The following KLHDC4 variants were observed in gnomAD, a reference collection of about 807,000 sequenced individuals.
KLHDC4 encodes the protein kelch domain containing 4.
In KLHDC4, 90 loss-of-function variants were observed where a neutral mutation model predicts 62.4. That is an observed-to-expected ratio of 1.44 (90% CI 1.22 to 1.72). The LOEUF (loss-of-function observed/expected upper bound fraction) is 1.72. Ranked by LOEUF, KLHDC4 falls within the 40% of genes most tolerant of loss-of-function variation. The pLI, the probability that KLHDC4 is intolerant of heterozygous loss-of-function variation, is 0.00. For synonymous variants in KLHDC4, 386 were observed against 284.4 expected, an observed-to-expected ratio of 1.36 and a Z score of -3.59; for missense variants, 1,025 against 699.7, an observed-to-expected ratio of 1.47 and a Z score of -5.25.
At chr16:87,715,998 A>G (rs573139226) in intron 7 of KLHDC4, among the ~76,000 whole-genome samples, 2 of 152,236 alleles carry the variant, frequency 1.3e-5, no homozygotes, top group East Asian at 3.9e-4. Flanking sequence ...CTTTGGGCAC[A>G]TTCTAAGGTC....
chr16:87,708,207 A>C, intron 11 of KLHDC4, 132 bp from the exon 12 acceptor site: 1 of 631,318 alleles, frequency 1.6e-6, no homozygotes, highest in South Asian at 1.9e-5. Context: ...CACGGCACTC[A>C]TTAGCAAGCT....
At chr16:87,725,193 G>A (rs1385147238) in intron 7 of KLHDC4, among the ~76,000 whole-genome samples, 2 of 152,150 alleles carry the variant, frequency 1.3e-5, no homozygotes, top group African/African-American at 4.8e-5. Flanking sequence ...GGGCAGCGGG[G>A]CCGAGTGGGA....
At chr16:87,747,293 A>G (rs1480409896) in intron 5 of KLHDC4, among the ~76,000 whole-genome samples, 1 of 152,220 alleles carries the variant, frequency 6.6e-6, no homozygotes, top group East Asian at 1.9e-4. Flanking sequence ...TGTGAACAAG[A>G]GATACCAAAG....
chr16:87,709,300 A>G lies in KLHDC4; in HGVS notation c.1412T>C (p.Met471Thr). Reference protein sequence around the residue: ...SDLHCLDLHRMEAWKALVEMD... With the variant: ...SDLHCLDLHRTEAWKALVEMD... ...CTCCACCAAGGCCTTCCACGCCTCC[A>G]TCCTGTGCAGGTCCAGGCAGTGCAG... The change falls in exon 10 of 12, where the codon ATG (methionine) becomes ACG (threonine). Residue 471 changes from methionine to threonine, a missense_variant. By Grantham distance (81) the Met-to-Thr change is moderately conservative. Coordinates refer to ENST00000270583, the MANE Select transcript of KLHDC4 (RefSeq NM_017566.4). 6.2e-7 allele frequency: 1 copy of G among 1,613,036 alleles called. No homozygotes were observed. The highest frequency in any genetic ancestry group is 8.5e-7 in the Non-Finnish European group (1 of 1,179,916).
At chr16:87,738,429 G>A (rs947732657) in intron 5 of KLHDC4, among the ~76,000 whole-genome samples, 4 of 152,040 alleles carry the variant, frequency 2.6e-5, no homozygotes, top group East Asian at 3.9e-4. Context: ...CAAGTGCTCC[G>A]GTGCATACAA....
chr16:87,747,896 G>A (rs575835043), intron 5 of KLHDC4, among the ~76,000 whole-genome samples: 34 of 152,284 alleles, frequency 2.2e-4, no homozygotes, highest in African/African-American at 8.2e-4. Context: ...TGTGTGCGGC[G>A]GCCTCTATCC....
At chr16:87,703,986 C>T (rs1175123440), downstream of KLHDC4, among the ~76,000 whole-genome samples, 3 of 152,262 alleles carry the variant, frequency 2.0e-5, no homozygotes, top group Admixed American at 2.0e-4. Context: ...CCCAGGAGAG[C>T]AGCGGTCACT....
intron 5 of KLHDC4, among the ~76,000 whole-genome samples, chr16:87,747,292 G>C (rs2043183823): frequency 6.6e-6 from 1 of 152,172 alleles, no homozygotes; most frequent in Non-Finnish European, 1.5e-5. Flanking sequence ...TTGTGAACAA[G>C]AGATACCAAA....
rs373380962 is a variant in KLHDC4, at chr16:87,755,189, A to G, written c.369+5T>C. 24 of 1,596,116 alleles carry G rather than the reference A, an allele frequency of 1.5e-5. No homozygotes were observed. The African/African-American group carries it at 2.5e-4, about 17-fold the overall frequency. The stretch of plus-strand genomic sequence containing the variant: ...AGGGTGGCTGAGAGTCAGTGCTGAC[A>G]TTACCTGGTGAGCACAGCGCCTCGG... On this transcript the variant is annotated splice_donor_5th_base_variant and intron_variant, in intron 4 of 11. Coordinates refer to ENST00000270583, the MANE Select transcript of KLHDC4 (RefSeq NM_017566.4).
chr16:87,761,839 G>T, intron 2 of KLHDC4, 110 bp downstream of exon 2: 2 of 1,041,250 alleles, frequency 1.9e-6, no homozygotes, highest in Non-Finnish European at 2.9e-6. Context: ...TTTTAATAAT[G>T]AAAATGTCCC....
At chr16:87,760,430 ACC>A (rs2045690245) in intron 2 of KLHDC4, among the ~76,000 whole-genome samples, 1 of 150,806 alleles carries the variant, frequency 6.6e-6, no homozygotes, top group African/African-American at 2.4e-5. Flanking sequence ...ACATGGTGAA[ACC>A]CCGTCTCTAC....
intron 8 of KLHDC4, 47 bp from the exon 9 acceptor site, chr16:87,711,490 CCT>C (rs1567661198): frequency 1.3e-6 from 2 of 1,529,644 alleles, no homozygotes; most frequent in East Asian, 4.6e-5. Flanking sequence ...AAGGAAGGAC[CCT>C]GAGAGCCAGC....
At chr16:87,759,536 C>A (rs964859267) in intron 2 of KLHDC4, among the ~76,000 whole-genome samples, 1 of 152,164 alleles carries the variant, frequency 6.6e-6, no homozygotes, top group Non-Finnish European at 1.5e-5. Flanking sequence ...CACCTAAGGT[C>A]GGGAGTTCAA....
rs762067780 is a variant in KLHDC4 at position 87,709,571 on chromosome 16, GC to G, written c.1140del (p.Pro381LeufsTer59). ...RPACGGAGTQ[G>X]PVQLVKEVVA... ...ACCACCTCCTTGACCAGCTGCACAG[GC>G]CCCTGGGTGCCAGCTCCCCCACACG... On this transcript the variant is annotated frameshift_variant, in exon 10 of 12. Coordinates refer to ENST00000270583, the MANE Select transcript of KLHDC4 (RefSeq NM_017566.4). LOFTEE classifies it high-confidence loss of function. 4.3e-6 allele frequency: 7 copies of G among 1,612,932 alleles called. No individual in the cohort carries two copies. The highest frequency in any genetic ancestry group is 4.5e-5 in the East Asian group (2 of 44,880).
chr16:87,707,255 G>C (rs1158485013), downstream of KLHDC4, among the ~76,000 whole-genome samples: 1 of 152,230 alleles, frequency 6.6e-6, no homozygotes, highest in Admixed American at 6.5e-5. Flanking sequence ...GGAGGAGCTG[G>C]ATGGGGACAC....
intron 7 of KLHDC4, among the ~76,000 whole-genome samples, chr16:87,721,028 A>G (rs572278744): frequency 9.1e-4 from 138 of 152,178 alleles, no homozygotes; most frequent in African/African-American, 3.2e-3. Flanking sequence ...CACATCCGAG[A>G]CCACCTTCTT....
Position 87,707,892 on chromosome 16 carries a change from C to G in KLHDC4, c.*185G>C. 2.2e-6 allele frequency: 1 copy of G among 453,072 alleles called. No homozygotes were observed. The highest frequency in any genetic ancestry group is 4.5e-6 in the Non-Finnish European group (1 of 224,566). The allele number at this position is 453,072 out of a possible 1,614,324, so 28.1% of individuals were successfully genotyped here. ...CCTGCACTGCACTCAGTTGAACTTCCGGCCCAGTGCCGCGTCAGAGACTAA... is the reference window on the plus strand; with the variant it reads ...CCTGCACTGCACTCAGTTGAACTTCGGGCCCAGTGCCGCGTCAGAGACTAA... On this transcript the variant is annotated 3_prime_UTR_variant, in exon 12 of 12. Transcript: ENST00000270583.
intron 5 of KLHDC4, among the ~76,000 whole-genome samples, chr16:87,737,829 G>C (rs899063272): frequency 6.6e-6 from 1 of 152,048 alleles, no homozygotes. Context: ...GACCTCAGGT[G>C]ATCCGCCTGC....
chr16:87,738,303 A>G (rs1184015259), intron 5 of KLHDC4, among the ~76,000 whole-genome samples: 3 of 152,096 alleles, frequency 2.0e-5, no homozygotes, highest in Non-Finnish European at 2.9e-5. Context: ...CCAAATGAGG[A>G]CCCTTCCTCA....
Sources: allele counts gnomAD v4.1 joint callset (sites outside exome capture counted in the v4.1 genomes callset), GRCh38; gene constraint gnomAD v4.1.1; transcripts MANE v1.5; gene names NCBI Gene and HGNC (gene_info 2026-07-23, HGNC 2026-07-21).